Variants in GRAMD4 observed in about 807,000 individuals in gnomAD.
GRAMD4 encodes the protein GRAM domain containing 4, also known as GRAM domain-containing protein 4.
In GRAMD4, 25 loss-of-function variants were observed where a neutral mutation model predicts 83.9. The observed-to-expected ratio is 0.30, with a 90% CI of 0.22 to 0.42. The LOEUF (loss-of-function observed/expected upper bound fraction) is 0.42. Among genes scored for constraint, GRAMD4 ranks in the 10% least tolerant of loss-of-function variants. The probability of loss-of-function intolerance (pLI) is 1.00; values close to 1 mark genes in which losing one functional copy is unlikely to be tolerated. For missense variants in GRAMD4, 593 were observed against 788.7 expected, an observed-to-expected ratio of 0.75 and a Z score of 2.97; for synonymous variants, 336 against 320.9, an observed-to-expected ratio of 1.05 and a Z score of -0.50.
chr22:46,590,052 G>C lies in GRAMD4; in HGVS notation c.-50+12762G>C, dbSNP rs2081191713. ...TGCAGGATGGGTCCTGGCCTGGTTG[G>C]GAGCCCTGAGTCTGGTTGATTCCTG... On this transcript the variant is annotated intron_variant, in intron 1 of 1. Transcript: ENST00000431155. 2.6e-5 allele frequency among the ~76,000 whole-genome samples: 4 copies of C among 152,222 alleles called. No homozygotes were observed. The South Asian group carries it at 8.3e-4, about 32-fold the overall frequency.
At chr22:46,658,730 C>T (rs895993442) in intron 4 of GRAMD4, among the ~76,000 whole-genome samples, 3 of 152,058 alleles carry the variant, frequency 2.0e-5, no homozygotes, top group Non-Finnish European at 4.4e-5. Context: ...TTAGGATCTT[C>T]CCAGGACCTG....
At chr22:46,603,019 G>T (rs1207899611) in intron 1 of GRAMD4, among the ~76,000 whole-genome samples, 1 of 151,914 alleles carries the variant, frequency 6.6e-6, no homozygotes, top group Non-Finnish European at 1.5e-5. Flanking sequence ...GGGATTACAG[G>T]TGTGAGCCAC....
At chr22:46,667,936 G>A (rs1200971949) in intron 10 of GRAMD4, among the ~76,000 whole-genome samples, 160 bp from the exon 11 acceptor site, 4 of 152,222 alleles carry the variant, frequency 2.6e-5, no homozygotes, top group Non-Finnish European at 5.9e-5. Flanking sequence ...GCCCATAGGG[G>A]TGTCCTCCTG....
intron 1 of GRAMD4, among the ~76,000 whole-genome samples, chr22:46,587,505 C>T (rs542438420): frequency 6.6e-6 from 1 of 151,726 alleles, no homozygotes; most frequent in Admixed American, 6.6e-5. Flanking sequence ...TGTAGCCCTT[C>T]TCTTCCAACT....
intron 1 of GRAMD4, among the ~76,000 whole-genome samples, chr22:46,590,368 C>T (rs992940206): frequency 2.0e-5 from 3 of 152,172 alleles, no homozygotes; most frequent in African/African-American, 7.2e-5. Flanking sequence ...TCCCAGTGTC[C>T]TTCCTCCAGC....
At chr22:46,615,256 T>C (rs1294546228) in intron 1 of GRAMD4, among the ~76,000 whole-genome samples, 1 of 12,196 alleles carries the variant, frequency 8.2e-5, no homozygotes, top group Non-Finnish European at 1.7e-4. Flanking sequence ...TTCCCCCGTG[T>C]GTAGGTTCCC....
intron 1 of GRAMD4, among the ~76,000 whole-genome samples, chr22:46,590,964 G>T (rs1399336490): frequency 6.6e-6 from 1 of 152,108 alleles, no homozygotes; most frequent in African/African-American, 2.4e-5. Flanking sequence ...GGAGGCTGTG[G>T]GATGAAAATT....
intron 3 of GRAMD4, among the ~76,000 whole-genome samples, chr22:46,643,189 A>C (rs1484805986): frequency 1.2e-4 from 15 of 121,476 alleles, no homozygotes; most frequent in South Asian, 5.3e-4. Flanking sequence ...CCATCCATCC[A>C]TCCATCCATC....
intron 3 of GRAMD4, among the ~76,000 whole-genome samples, chr22:46,640,756 A>G (rs1325631819): frequency 6.6e-6 from 1 of 152,180 alleles, no homozygotes; most frequent in Non-Finnish European, 1.5e-5. Flanking sequence ...CAAGATTCCC[A>G]GCAAGATTCC....
chr22:46,588,260 A>T (rs150861769), intron 1 of GRAMD4, among the ~76,000 whole-genome samples: 1 of 151,708 alleles, frequency 6.6e-6, no homozygotes, highest in East Asian at 2.0e-4. Flanking sequence ...AGCGTCCCCC[A>T]CAACCCGATG....
intron 1 of GRAMD4, among the ~76,000 whole-genome samples, chr22:46,626,098 C>T (rs1292993363): frequency 3.3e-5 from 5 of 152,190 alleles, no homozygotes; most frequent in African/African-American, 9.7e-5. Flanking sequence ...AGTAGGAACA[C>T]GCTTTAGGCA....
intron 5 of GRAMD4, among the ~76,000 whole-genome samples, chr22:46,662,639 T>G (rs2082345749): frequency 6.6e-6 from 1 of 152,170 alleles, no homozygotes; most frequent in Non-Finnish European, 1.5e-5. Context: ...CCTCTCCATC[T>G]GCTTTCTGAC....
In GRAMD4 at chr22:46,581,910, G is replaced by A. The variant is rs2081102682; in HGVS notation, c.-50+4620G>A. ...TGGTCACCTGTAAACGAAGGCCTTG[G>A]CCTAGGGTATAGAAGCCAGAGCTTG... On this transcript the variant is annotated intron_variant, in intron 1 of 1. Transcript: ENST00000431155. Among the ~76,000 whole-genome samples, 4 of 152,220 alleles carry A rather than the reference G, an allele frequency of 2.6e-5. No homozygotes were observed. The South Asian group carries it at 8.3e-4, about 32-fold the overall frequency.
intron 3 of GRAMD4, 37 bp downstream of exon 3, chr22:46,637,997 G>A (rs748654354): frequency 1.6e-5 from 25 of 1,606,248 alleles, no homozygotes; most frequent in South Asian, 2.2e-5. Flanking sequence ...GATGGGACAA[G>A]GTGGGTCAGG....
intron 3 of GRAMD4, 145 bp from the exon 4 acceptor site, chr22:46,658,042 C>A (rs1601650544): frequency 1.0e-6 from 1 of 970,610 alleles, no homozygotes; most frequent in Admixed American, 1.7e-5. Flanking sequence ...CGCCCCGCAC[C>A]CTGGAGGAAG....
chr22:46,633,813 G>T (rs937754034), intron 2 of GRAMD4, among the ~76,000 whole-genome samples: 3 of 152,106 alleles, frequency 2.0e-5, no homozygotes, highest in African/African-American at 4.8e-5. Context: ...GGTGGGCTCC[G>T]GGGGTCCCGG....
intron 1 of GRAMD4, among the ~76,000 whole-genome samples, chr22:46,625,146 C>CACCGCGCCCAGCGTCCTGTGGGTTTTGCA (rs2081637584): frequency 1.3e-5 from 2 of 152,220 alleles, no homozygotes; most frequent in Non-Finnish European, 2.9e-5. Context: ...AGGCGTGAGC[C>CACCGCGCCCAGCGTCCTGTGGGTTTTGCA]ACCGCGCCCA....
intron 3 of GRAMD4, among the ~76,000 whole-genome samples, chr22:46,655,928 G>A (rs1400366220): frequency 6.6e-6 from 1 of 151,878 alleles, no homozygotes; most frequent in Non-Finnish European, 1.5e-5. Context: ...TCCGTCCGCG[G>A]AGAAAAGTAG....
At chr22:46,682,308 C>T (rs572698573), downstream of GRAMD4, 7 of 456,954 alleles carry the variant, frequency 1.5e-5, no homozygotes, top group African/African-American at 2.1e-5. Flanking sequence ...CAGCTGGCAT[C>T]GCAAGCTAGG....
Sources: allele counts gnomAD v4.1 joint callset (sites outside exome capture counted in the v4.1 genomes callset), GRCh38; gene constraint gnomAD v4.1.1; transcripts MANE v1.5; gene names NCBI Gene and HGNC (gene_info 2026-07-23, HGNC 2026-07-21).